Variants in ATP2A2 observed in about 807,000 individuals in gnomAD.
ATP2A2 encodes ATPase sarcoplasmic/endoplasmic reticulum Ca2+ transporting 2, also known as sarcoplasmic/endoplasmic reticulum calcium ATPase 2.
Under a neutral mutation model 109.3 loss-of-function variants are expected in ATP2A2, and 14 were observed. The ratio of observed to expected loss-of-function variants is 0.13; its 90% CI spans 0.08 to 0.20. The LOEUF is 0.20. Among genes scored for constraint, ATP2A2 ranks in the 10% least tolerant of loss-of-function variants. ATP2A2 has a pLI of 1.00. For missense variants in ATP2A2, 657 were observed against 1,321.6 expected (o/e 0.50, Z 7.80); for synonymous variants, 506 against 490.9 (o/e 1.03, Z -0.41).
chr12:110,350,373 A>AT lies in ATP2A2; in HGVS notation c.*3903_*3904insT. 1 of 1,612,348 alleles carries AT rather than the reference A, an allele frequency of 6.2e-7. No individual in the cohort carries two copies. Among genetic ancestry groups the AT allele is most frequent in the Admixed American group, 1.7e-5 (1 of 60,022 alleles). ...TGCGTGCATGTGCGTTTTTAGCAAC[A>AT]CATCTACCAACCCTGTGCATGACTG... On this transcript the variant is annotated 3_prime_UTR_variant, in exon 20 of 20. Coordinates refer to ENST00000539276, the MANE Select transcript of ATP2A2 (RefSeq NM_170665.4).
chr12:110,332,752 C>A, intron 9 of ATP2A2, 67 bp downstream of exon 9: 1 of 1,341,646 alleles, frequency 7.5e-7, no homozygotes, highest in Non-Finnish European at 1.1e-6. Context: ...TGATTTGCAG[C>A]ATGTCTACAA....
In ATP2A2 at chr12:110,350,389, T is replaced by C. The variant is rs1346676198; in HGVS notation, c.*3919T>C. 4 of 1,604,530 alleles carry C rather than the reference T, an allele frequency of 2.5e-6. No homozygotes were observed. The African/African-American group carries it at 5.4e-5, about 21-fold the overall frequency. ...TTTAGCAACACATCTACCAACCCTG[T>C]GCATGACTGATGTTGGGGAAAAAGA... On this transcript the variant is annotated 3_prime_UTR_variant, in exon 20 of 20. Coordinates refer to ENST00000539276, the MANE Select transcript of ATP2A2 (RefSeq NM_170665.4).
intron 6 of ATP2A2, chr12:110,325,880 C>G (rs1877744753): frequency 1.2e-5 from 2 of 165,172 alleles, no homozygotes; most frequent in Admixed American, 5.7e-5. Context: ...CCCAGCTATT[C>G]AGGAAGCCAA....
chr12:110,282,914 CTA>C (rs1392841931), intron 3 of ATP2A2, 119 bp downstream of exon 3: 6 of 905,398 alleles, frequency 6.6e-6, no homozygotes, highest in African/African-American at 5.0e-5. Flanking sequence ...AGCTGTGTCT[CTA>C]TGTTTAAAAA....
chr12:110,331,896 T>G (rs1352655030), intron 8 of ATP2A2: 1 of 152,228 alleles, frequency 6.6e-6, no homozygotes, highest in African/African-American at 2.4e-5. Context: ...AAAATTATCT[T>G]TAAGAAAATA....
At chr12:110,303,848 A>G (rs1278263467) in intron 5 of ATP2A2, among the ~76,000 whole-genome samples, 1 of 152,236 alleles carries the variant, frequency 6.6e-6, no homozygotes, top group Non-Finnish European at 1.5e-5. Flanking sequence ...GGCGTGAGCC[A>G]CTGCACCTGG....
In ATP2A2 at chr12:110,342,388, A is replaced by G; in HGVS notation, c.2258A>G (p.Tyr753Cys). 1 of 1,614,144 alleles carries G rather than the reference A, an allele frequency of 6.2e-7. No homozygotes were observed. The highest frequency in any genetic ancestry group is 1.1e-5 in the South Asian group (1 of 91,080). ...VAAVEEGRAIYNNMKQFIRYL... is the reference protein window; with the variant it reads ...VAAVEEGRAICNNMKQFIRYL... ...GCCGTTGAGGAGGGGCGGGCAATCT[A>G]CAACAACATGAAACAGTTCATCCGC... Residue 753 changes from tyrosine (Y) to cysteine (C), a missense_variant, in exon 15 of 20, where the codon TAC becomes TGC. By Grantham distance (194) the Tyr-to-Cys change is radical. Coordinates refer to ENST00000539276, the MANE Select transcript of ATP2A2 (RefSeq NM_170665.4). This position sits in a 1 kb window ranked among gnomAD's most constrained non-coding sequence, Gnocchi z 4.6.
Position 110,346,687 on chromosome 12 carries a change from C to A in ATP2A2, c.*217C>A. On this transcript the variant is annotated 3_prime_UTR_variant, in exon 20 of 20. Transcript: ENST00000539276. The stretch of plus-strand genomic sequence containing the variant: ...AGTGTCCATTGACATGTACAGAGAA[C>A]TAACACTATTTTATGCAAATATTTT... 2.1e-6 allele frequency: 3 copies of A among 1,419,158 alleles called. No individual in the cohort carries two copies. The highest frequency in any genetic ancestry group is 2.7e-6 in the Non-Finnish European group (3 of 1,092,154). The allele number at this position is 1,419,158 out of a possible 1,614,324, so 87.9% of individuals were successfully genotyped here.
At chr12:110,293,502 C>A (rs12300587) in intron 4 of ATP2A2, among the ~76,000 whole-genome samples, 1 of 150,354 alleles carries the variant, frequency 6.7e-6, no homozygotes, top group South Asian at 2.1e-4. Flanking sequence ...TCAAGCAATT[C>A]TCCTGTCTCA....
chr12:110,300,048 G>T (rs1204298988), intron 5 of ATP2A2, among the ~76,000 whole-genome samples: 1 of 151,334 alleles, frequency 6.6e-6, no homozygotes, highest in South Asian at 2.1e-4. Context: ...GAGCCACCAC[G>T]CACGGCCTAA....
chr12:110,283,322 T>C (rs1396998559), intron 3 of ATP2A2, among the ~76,000 whole-genome samples: 1 of 152,220 alleles, frequency 6.6e-6, no homozygotes, highest in Non-Finnish European at 1.5e-5. Context: ...TAGGGTGGTA[T>C]ATTTATCTAA....
chr12:110,318,676 C>G (rs1312567806), intron 5 of ATP2A2, among the ~76,000 whole-genome samples: 1 of 152,102 alleles, frequency 6.6e-6, no homozygotes, highest in Non-Finnish European at 1.5e-5. Flanking sequence ...GTTTCATCAT[C>G]TTGGCCAGGC....
At chr12:110,312,271 A>G (rs1420456909) in intron 5 of ATP2A2, among the ~76,000 whole-genome samples, 1 of 152,074 alleles carries the variant, frequency 6.6e-6, no homozygotes, top group African/African-American at 2.4e-5. Context: ...TGTGTGCAGG[A>G]ATTACCTGGG....
Position 110,342,326 on chromosome 12 carries a change from G to T in ATP2A2, c.2196G>T (p.Met732Ile), listed in dbSNP as rs756804449. 6.2e-7 allele frequency: 1 copy of T among 1,614,246 alleles called. No individual in the cohort carries two copies. Among genetic ancestry groups the T allele is most frequent in the Non-Finnish European group, 8.5e-7 (1 of 1,180,044 alleles). The change falls in exon 15 of 20, where the codon ATG (methionine) becomes ATT (isoleucine). Residue 732 changes from methionine to isoleucine, a missense_variant. This residue lies in a region of ATP2A2 where 50 missense variants were observed against 176.9 expected (regional missense o/e 0.28). Transcript: ENST00000539276. This position sits in a 1 kb window ranked among gnomAD's most constrained non-coding sequence, Gnocchi z 4.6. ...CGGTGGCTAAAACCGCCTCTGAGATGGTCCTGGCGGATGACAACTTCTCCA... is the reference window on the plus strand; with the variant it reads ...CGGTGGCTAAAACCGCCTCTGAGATTGTCCTGGCGGATGACAACTTCTCCA... ...GTAVAKTASE[M>I]VLADDNFSTI... is the part of the protein sequence containing the mutation.
In ATP2A2 at chr12:110,282,705, T is replaced by C. The variant is rs765563672; in HGVS notation, c.137-8T>C. 6.2e-7 allele frequency: 1 copy of C among 1,614,156 alleles called. No homozygotes were observed. Among genetic ancestry groups the C allele is most frequent in the South Asian group, 1.1e-5 (1 of 91,084 alleles). On this transcript the variant is annotated splice_polypyrimidine_tract_variant and splice_region_variant and intron_variant, in intron 2 of 19. Transcript: ENST00000539276. ...GACAGTTAAAACACATGTGTTTGTTTCTTACAGGAAAAACCTTGCTGGAAC... is the reference window on the plus strand; with the variant it reads ...GACAGTTAAAACACATGTGTTTGTTCCTTACAGGAAAAACCTTGCTGGAAC...
chr12:110,293,319 C>T (rs372050100), intron 4 of ATP2A2, among the ~76,000 whole-genome samples: 7 of 151,226 alleles, frequency 4.6e-5, no homozygotes, highest in South Asian at 2.1e-4. Context: ...CCACCCACCT[C>T]GGCCTCCCAA....
At chr12:110,344,551 A>C (rs2137868928) in intron 16 of ATP2A2, among the ~76,000 whole-genome samples, 1 of 152,358 alleles carries the variant, frequency 6.6e-6, no homozygotes, top group Admixed American at 6.5e-5. Context: ...CATGGAGTAC[A>C]CACACACTTG....
rs967208266 is a variant in ATP2A2, at chr12:110,348,365, A to G, written c.*1895A>G. The G allele has an allele frequency of 4.8e-5, 47 of 985,074 alleles. No homozygotes were observed. The African/African-American group carries it at 8.1e-4, about 17-fold the overall frequency. The allele number at this position is 985,074 out of a possible 1,614,324, so 61.0% of individuals were successfully genotyped here. On this transcript the variant is annotated 3_prime_UTR_variant, in exon 20 of 20. Coordinates refer to ENST00000539276, the MANE Select transcript of ATP2A2 (RefSeq NM_170665.4). The stretch of plus-strand genomic sequence containing the variant: ...GGACGTGGCTCTGCACAGCCCAAAA[A>G]CCAGCTTACTCCTTAGCCAGGGTGT...
intron 9 of ATP2A2, 75 bp from the exon 10 acceptor site, chr12:110,333,106 G>T: frequency 8.0e-7 from 1 of 1,244,638 alleles, no homozygotes. Flanking sequence ...TTAAACAATT[G>T]CGGGGGGGCA....
Sources: allele counts gnomAD v4.1 joint callset (sites outside exome capture counted in the v4.1 genomes callset), GRCh38; gene constraint gnomAD v4.1.1; regional missense constraint gnomAD v4.1.1; non-coding constraint Gnocchi (gnomAD v3.1); transcripts MANE v1.5; gene names NCBI Gene and HGNC (gene_info 2026-07-23, HGNC 2026-07-21).